CALM3: variants seen among roughly 807,000 people sequenced by gnomAD.
The protein encoded by CALM3 is calmodulin 3.
In CALM3, 5 loss-of-function variants were observed where a neutral mutation model predicts 20.1. That is an observed-to-expected ratio of 0.25 (90% confidence interval 0.13 to 0.52). The LOEUF is 0.52. Ranked by LOEUF, CALM3 falls within the 20% of genes least tolerant of loss-of-function variation. The pLI, the probability that CALM3 is intolerant of heterozygous loss-of-function variation, is 0.96. For missense variants in CALM3, 57 were observed against 192.8 expected (o/e 0.30, Z 4.17); for synonymous variants, 69 against 68.1 (o/e 1.01, Z -0.06).
chr19:46,608,670 C>A lies in CALM3; in HGVS notation c.285+82C>A. 1 of 1,338,834 alleles carries A rather than the reference C, an allele frequency of 7.5e-7. No individual in the cohort carries two copies. Among genetic ancestry groups the A allele is most frequent in the Non-Finnish European group, 1.1e-6 (1 of 946,576 alleles). 82.9% of individuals were successfully genotyped at this position (1,338,834 alleles called of 1,614,324 possible). A position where few individuals can be genotyped will look rare whatever the true frequency, so the allele number is the denominator to read the frequency against. On this transcript the variant is annotated intron_variant, in intron 4 of 5. Transcript: ENST00000291295. This position sits in a 1 kb window ranked among gnomAD's most constrained non-coding sequence, Gnocchi z 5.5. ...GGCGGAACTGGAGCCACGGAGCTAC[C>A]ACTTCCAGGAGGTCCGGGTCCCGGT... is the stretch of plus-strand genomic sequence containing the variant.
Position 46,601,353 on chromosome 19 carries a change from G to A in CALM3, c.-82G>A. 1 of 1,413,678 alleles carries A rather than the reference G, an allele frequency of 7.1e-7. No homozygotes were observed. Among genetic ancestry groups the A allele is most frequent in the Non-Finnish European group, 9.4e-7 (1 of 1,066,570 alleles). The allele number at this position is 1,413,678 out of a possible 1,614,324, so 87.6% of individuals were successfully genotyped here. A position where few individuals can be genotyped will look rare whatever the true frequency, so the allele number is the denominator to read the frequency against. On this transcript the variant is annotated 5_prime_UTR_variant, in exon 1 of 6. Transcript: ENST00000291295. The surrounding 1 kb of genome is among the most constrained non-coding windows in gnomAD (Gnocchi z 4.2). ...GCAGTGAGTGTGGAGGCGCGGACGC[G>A]CGGCGGAGCTGGAACTGCTGCAGCT... is the stretch of plus-strand genomic sequence containing the variant.
At chr19:46,606,271 C>T in intron 2 of CALM3, 1 of 184,208 alleles carries the variant, frequency 5.4e-6, no homozygotes, top group Non-Finnish European at 1.1e-5. Context: ...ACTCCCACCT[C>T]TGCGCTTGCC....
chr19:46,602,233 G>C, intron 1 of CALM3: 1 of 1,348,072 alleles, frequency 7.4e-7, no homozygotes, highest in African/African-American at 1.5e-5. Context: ...CTCGCCAGTA[G>C]TCGGGGGACA....
At position 46,608,275 on chromosome 19, in the gene CALM3, G is replaced by T; in HGVS notation, c.113G>T (p.Arg38Ile). The change falls in exon 3 of 6, where the codon AGA becomes ATA. Residue 38 changes from arginine to isoleucine, a missense_variant. By Grantham distance (97) the Arg-to-Ile change is moderately conservative. Coordinates refer to ENST00000291295, the MANE Select transcript of CALM3 (RefSeq NM_005184.4). The surrounding 1 kb of genome is among the most constrained non-coding windows in gnomAD (Gnocchi z 5.5). ...ITTKELGTVM[R>I]SLGQNPTEAE... ...ACCAAGGAGTTGGGGACAGTGATGAGATCCCTGGGACAGAACCCCACTGAA... is the reference window on the plus strand; with the variant it reads ...ACCAAGGAGTTGGGGACAGTGATGATATCCCTGGGACAGAACCCCACTGAA... 6.2e-7 allele frequency: 1 copy of T among 1,614,106 alleles called. No homozygotes were observed. Among genetic ancestry groups the T allele is most frequent in the Non-Finnish European group, 8.5e-7 (1 of 1,179,946 alleles).
intron 1 of CALM3, among the ~76,000 whole-genome samples, chr19:46,604,793 G>A (rs1446431001): frequency 2.0e-5 from 3 of 152,006 alleles, no homozygotes; most frequent in Admixed American, 2.0e-4. Flanking sequence ...CCATGGTCCC[G>A]GGATGGTGGT....
At position 46,605,738 on chromosome 19, in the gene CALM3, T is replaced by A; in HGVS notation, c.4-89T>A. On this transcript the variant is annotated intron_variant, in intron 1 of 5. Coordinates refer to ENST00000291295, the MANE Select transcript of CALM3 (RefSeq NM_005184.4). This position sits in a 1 kb window ranked among gnomAD's most constrained non-coding sequence, Gnocchi z 4.1. The stretch of plus-strand genomic sequence containing the variant: ...GCGGGAATGGCACGTGGAGCTGGCC[T>A]CACTGGGGCCGAGGGTCTGGGCTGA... 7.4e-7 allele frequency: 1 copy of A among 1,346,544 alleles called. No homozygotes were observed. The highest frequency in any genetic ancestry group is 2.3e-5 in the East Asian group (1 of 43,424). The allele number at this position is 1,346,544 out of a possible 1,614,324, so 83.4% of individuals were successfully genotyped here. A position where few individuals can be genotyped will look rare whatever the true frequency, so the allele number is the denominator to read the frequency against.
In CALM3 at chr19:46,605,788, C is replaced by G. The variant is rs1971730358; in HGVS notation, c.4-39C>G. 11 of 1,612,464 alleles carry G rather than the reference C, an allele frequency of 6.8e-6. No homozygotes were observed. The East Asian group carries it at 2.5e-4, about 36-fold the overall frequency. Reference sequence around the variant, plus strand: ...AGTGAGGAAGATGCGTCCGTGCTGTCCGGCCTGGTGACTGACTTTCCCCTT... The same window carrying G: ...AGTGAGGAAGATGCGTCCGTGCTGTGCGGCCTGGTGACTGACTTTCCCCTT... On this transcript the variant is annotated intron_variant, in intron 1 of 5. Transcript: ENST00000291295. The surrounding 1 kb of genome is among the most constrained non-coding windows in gnomAD (Gnocchi z 4.1).
intron 2 of CALM3, among the ~76,000 whole-genome samples, chr19:46,607,683 G>A (rs1971771791): frequency 6.6e-6 from 1 of 152,216 alleles, no homozygotes; most frequent in South Asian, 2.1e-4. Context: ...AGCACCCACG[G>A]CAAGGAACAG....
In CALM3 at chr19:46,608,012, T is replaced by C. The variant is rs532580725; in HGVS notation, c.35-185T>C. On this transcript the variant is annotated intron_variant, in intron 2 of 5. Transcript: ENST00000291295. This position sits in a 1 kb window ranked among gnomAD's most constrained non-coding sequence, Gnocchi z 5.5. ...ATGTTCAATAACTGTTGAATGAAGG[T>C]TGGAAGGGCTTTGCCCTGAGCACTG... The C allele has an allele frequency of 1.9e-5, 11 of 587,058 alleles. No homozygotes were observed. Among genetic ancestry groups the C allele is most frequent in the Admixed American group, 9.1e-5 (3 of 33,070 alleles). The allele number at this position is 587,058 out of a possible 1,614,324, so 36.4% of individuals were successfully genotyped here. A position where few individuals can be genotyped will look rare whatever the true frequency, so the allele number is the denominator to read the frequency against.
rs1971846198 is a variant in CALM3, at chr19:46,610,109, AGGGTG to A, written c.*960_*964del. The A allele has an allele frequency of 6.6e-6, 1 of 152,506 alleles. No homozygotes were observed. Among genetic ancestry groups the A allele is most frequent in the African/African-American group, 2.4e-5 (1 of 41,372 alleles). 9.4% of individuals were successfully genotyped at this position (152,506 alleles called of 1,614,324 possible). A position where few individuals can be genotyped will look rare whatever the true frequency, so the allele number is the denominator to read the frequency against. ...TTCAGAACCATGCTGGGCTAGCTAA[AGGGTG>A]GGGAGAGGGAAGATGGGCCCCACCA... On this transcript the variant is annotated 3_prime_UTR_variant, in exon 6 of 6. Coordinates refer to ENST00000291295, the MANE Select transcript of CALM3 (RefSeq NM_005184.4).
rs1971779463 is a variant in CALM3 at position 46,608,031 on chromosome 19, A to G, written c.35-166A>G. ...TGAAGGTTGGAAGGGCTTTGCCCTG[A>G]GCACTGAGGAGAGAGAGCTGGTTGC... On this transcript the variant is annotated intron_variant, in intron 2 of 5. Transcript: ENST00000291295. This position sits in a 1 kb window ranked among gnomAD's most constrained non-coding sequence, Gnocchi z 5.5. The G allele has an allele frequency of 1.6e-6, 1 of 636,326 alleles. No homozygotes were observed. Among genetic ancestry groups the G allele is most frequent in the African/African-American group, 1.8e-5 (1 of 54,884 alleles). The allele number at this position is 636,326 out of a possible 1,614,324, so 39.4% of individuals were successfully genotyped here.
chr19:46,605,868 T>C lies in CALM3; in HGVS notation c.34+11T>C, dbSNP rs1971732200. 2 of 1,613,794 alleles carry C rather than the reference T, an allele frequency of 1.2e-6. No homozygotes were observed. The highest frequency in any genetic ancestry group is 1.1e-5 in the South Asian group (1 of 91,074). Reference sequence around the variant, plus strand: ...AGGAGCAGATTGCAGGTGAGTCTGCTATCCCCCTCATCTTAGCTCAGGAAA... The same window carrying C: ...AGGAGCAGATTGCAGGTGAGTCTGCCATCCCCCTCATCTTAGCTCAGGAAA... On this transcript the variant is annotated intron_variant, in intron 2 of 5. Transcript: ENST00000291295. This position sits in a 1 kb window ranked among gnomAD's most constrained non-coding sequence, Gnocchi z 4.1.
rs184779995 is a variant in CALM3, at chr19:46,606,607, C to T, written c.34+750C>T. ...CTATAGCCTTAATGCCTGCCTAGAA[C>T]GTAGTAGGTCCTCCGCAAACTTTTG... is the stretch of plus-strand genomic sequence containing the variant. On this transcript the variant is annotated intron_variant, in intron 2 of 5. Transcript: ENST00000291295. Among the ~76,000 whole-genome samples the T allele has an allele frequency of 2.0e-4, 31 of 152,284 alleles. No individual in the cohort carries two copies. The East Asian group carries it at 5.4e-3, about 27-fold the overall frequency.
intron 1 of CALM3, among the ~76,000 whole-genome samples, chr19:46,603,719 A>T (rs906112870): frequency 6.6e-6 from 1 of 152,200 alleles, no homozygotes; most frequent in Admixed American, 6.5e-5. Flanking sequence ...CTGGGCGGCA[A>T]CCTTGCTTGA....
At chr19:46,603,977 G>T (rs1172151759) in intron 1 of CALM3, among the ~76,000 whole-genome samples, 1 of 152,188 alleles carries the variant, frequency 6.6e-6, no homozygotes, top group Admixed American at 6.5e-5. Flanking sequence ...CCCTTACAGT[G>T]CTGCCCAAAG....
intron 1 of CALM3, chr19:46,602,039 G>A (rs375924088): frequency 1.7e-6 from 2 of 1,201,894 alleles, no homozygotes; most frequent in East Asian, 5.7e-5. Flanking sequence ...GAGGGTGGGG[G>A]AGGGTGGGGG....
chr19:46,607,352 A>G (rs1186065053), intron 2 of CALM3, among the ~76,000 whole-genome samples: 3 of 151,970 alleles, frequency 2.0e-5, no homozygotes, highest in Non-Finnish European at 4.4e-5. Flanking sequence ...CAAACTGTCC[A>G]CCGCCTCACC....
At chr19:46,606,240 C>G in intron 2 of CALM3, 2 of 210,916 alleles carry the variant, frequency 9.5e-6, no homozygotes, top group Non-Finnish European at 1.9e-5. Flanking sequence ...ACTTTAGGAG[C>G]CGCCCAGGAG....
Position 46,606,007 on chromosome 19 carries a change from G to A in CALM3, c.34+150G>A, listed in dbSNP as rs370743010. On this transcript the variant is annotated intron_variant, in intron 2 of 5. Transcript: ENST00000291295. ...CCTTGTGCCTAGAATGCTGATAAAT[G>A]TGTGTAAGAGCACACCAGTGCCCCA... The A allele has an allele frequency of 4.9e-3, 3,407 of 695,980 alleles. 108 individuals are homozygous for A. In the South Asian group the frequency reaches 0.055, roughly 11 times the overall value. 43.1% of individuals were successfully genotyped at this position (695,980 alleles called of 1,614,324 possible). A position where few individuals can be genotyped will look rare whatever the true frequency, so the allele number is the denominator to read the frequency against.
Sources: gnomAD v4.1 joint callset for allele counts (sites outside exome capture counted in the v4.1 genomes callset) on GRCh38, gnomAD v4.1.1 for gene constraint, Gnocchi (gnomAD v3.1) non-coding constraint, MANE v1.5 for transcripts, NCBI Gene and HGNC (gene_info 2026-07-23, HGNC 2026-07-21) for gene names.